SUCLG2: variants seen among roughly 807,000 people sequenced by gnomAD.
The protein encoded by SUCLG2 is succinate-CoA ligase GDP-forming subunit beta, also known as succinate--CoA ligase [GDP-forming] subunit beta, mitochondrial.
SUCLG2 carries 42 observed loss-of-function variants against 47.9 expected under a neutral mutation model. The observed-to-expected ratio is 0.88, with a 90% CI of 0.69 to 1.14. The LOEUF is 1.14. SUCLG2 is among the 50% of genes most tolerant of loss of function. The pLI is 0.00. For synonymous variants in SUCLG2, 195 were observed against 197.3 expected, an observed-to-expected ratio of 0.99 and a Z score of 0.10; for missense variants, 571 against 525.9, an observed-to-expected ratio of 1.09 and a Z score of -0.84.
intron 2 of SUCLG2, among the ~76,000 whole-genome samples, chr3:67,557,495 G>T (rs1365887281): frequency 6.6e-6 from 1 of 152,134 alleles, no homozygotes; most frequent in Non-Finnish European, 1.5e-5. Flanking sequence ...AAGCACAGAT[G>T]ACATCAAATT....
chr3:67,439,980 A>C (rs1431579133), intron 9 of SUCLG2, among the ~76,000 whole-genome samples: 1 of 152,218 alleles, frequency 6.6e-6, no homozygotes, highest in East Asian at 1.9e-4. Flanking sequence ...AATTCAAGCT[A>C]TGCTACAAGG....
Position 67,375,139 on chromosome 3 carries a change from T to C in SUCLG2, c.*605A>G. On this transcript the variant is annotated 3_prime_UTR_variant, in exon 11 of 11. Coordinates refer to ENST00000307227, the MANE Select transcript of SUCLG2 (RefSeq NM_003848.4). Reference sequence around the variant, plus strand: ...ATGGTAAAAACACATGGATGGTATATTAATGCAGATATTCCATTATTAAAT... The same window carrying C: ...ATGGTAAAAACACATGGATGGTATACTAATGCAGATATTCCATTATTAAAT... 2.0e-6 allele frequency: 2 copies of C among 985,432 alleles called. No individual in the cohort carries two copies. The highest frequency in any genetic ancestry group is 2.4e-6 in the Non-Finnish European group (2 of 829,578). The allele number at this position is 985,432 out of a possible 1,614,324, so 61.0% of individuals were successfully genotyped here. A position where few individuals can be genotyped will look rare whatever the true frequency, so the allele number is the denominator to read the frequency against.
intron 7 of SUCLG2, among the ~76,000 whole-genome samples, chr3:67,504,999 G>A (rs902491376): frequency 5.3e-5 from 8 of 152,148 alleles, no homozygotes; most frequent in African/African-American, 1.7e-4. Context: ...GTTTCAATAA[G>A]GTTGCATCTT....
chr3:67,439,084 T>C (rs1378939637), intron 9 of SUCLG2, among the ~76,000 whole-genome samples: 1 of 152,158 alleles, frequency 6.6e-6, no homozygotes, highest in Non-Finnish European at 1.5e-5. Context: ...TGGTTCAACA[T>C]ACACAAATCA....
At chr3:67,432,685 G>T (rs1474605721) in intron 9 of SUCLG2, among the ~76,000 whole-genome samples, 1 of 152,108 alleles carries the variant, frequency 6.6e-6, no homozygotes, top group Non-Finnish European at 1.5e-5. Flanking sequence ...GATCTGCTAG[G>T]TTCTAAGCCT....
chr3:67,605,736 T>G (rs1241137704), intron 2 of SUCLG2, among the ~76,000 whole-genome samples: 2 of 152,152 alleles, frequency 1.3e-5, no homozygotes, highest in African/African-American at 4.8e-5. Flanking sequence ...TTATCCAGCT[T>G]GATTTTGTCA....
At chr3:67,381,254 T>C (rs1159016842) in intron 10 of SUCLG2, among the ~76,000 whole-genome samples, 7 of 151,298 alleles carry the variant, frequency 4.6e-5, no homozygotes, top group African/African-American at 1.7e-4. Flanking sequence ...TGGAAACAGG[T>C]TATTGAAAAA....
chr3:67,488,858 C>A (rs1042170922), intron 9 of SUCLG2, among the ~76,000 whole-genome samples: 3 of 152,176 alleles, frequency 2.0e-5, no homozygotes, highest in Non-Finnish European at 4.4e-5. Flanking sequence ...AAGGCATCTA[C>A]ACAGAGGACT....
chr3:67,439,009 T>C (rs981454413), intron 9 of SUCLG2, among the ~76,000 whole-genome samples: 1 of 152,164 alleles, frequency 6.6e-6, no homozygotes, highest in South Asian at 2.1e-4. Context: ...GCAAACCAAA[T>C]CCAGTAGCAC....
At chr3:67,389,315 T>C (rs111290225) in intron 10 of SUCLG2, among the ~76,000 whole-genome samples, 2,371 of 152,188 alleles carry the variant, frequency 0.016, 70 homozygotes, top group African/African-American at 0.053. Flanking sequence ...GAGATGAAGC[T>C]GCAACACTGG....
At chr3:67,442,407 T>C in intron 9 of SUCLG2, among the ~76,000 whole-genome samples, 1 of 152,174 alleles carries the variant, frequency 6.6e-6, no homozygotes. Context: ...CTGAAGCTAG[T>C]GACAACTGCA....
intron 9 of SUCLG2, among the ~76,000 whole-genome samples, chr3:67,488,031 T>C (rs1260086375): frequency 6.6e-6 from 1 of 151,142 alleles, no homozygotes; most frequent in Non-Finnish European, 1.5e-5. Context: ...GCAAAACACA[T>C]AAAAAAAAGA....
chr3:67,432,138 G>A (rs978204508), intron 9 of SUCLG2, among the ~76,000 whole-genome samples: 4 of 152,168 alleles, frequency 2.6e-5, no homozygotes, highest in Non-Finnish European at 5.9e-5. Context: ...GAGGCTAGAT[G>A]GGAGGCTAAC....
intron 6 of SUCLG2, among the ~76,000 whole-genome samples, chr3:67,512,359 T>C (rs1434419515): frequency 6.6e-6 from 1 of 151,190 alleles, no homozygotes; most frequent in Non-Finnish European, 1.5e-5. Flanking sequence ...GCGGAATATT[T>C]TTTGTATTTT....
At chr3:67,451,324 C>T (rs79012259) in intron 9 of SUCLG2, among the ~76,000 whole-genome samples, 7,270 of 152,218 alleles carry the variant, frequency 0.048, 229 homozygotes, top group South Asian at 0.093. Context: ...ATAAATGAAT[C>T]GATATTTGCA....
intron 9 of SUCLG2, among the ~76,000 whole-genome samples, chr3:67,464,830 A>G (rs1704430501): frequency 6.6e-6 from 1 of 152,188 alleles, no homozygotes; most frequent in Non-Finnish European, 1.5e-5. Context: ...AGATTGGTGG[A>G]TCAGTCTTCA....
intron 9 of SUCLG2, among the ~76,000 whole-genome samples, chr3:67,493,924 G>A (rs1705266005): frequency 3.3e-5 from 5 of 152,164 alleles, no homozygotes; most frequent in Admixed American, 2.0e-4. Flanking sequence ...TTCTTTTTGC[G>A]AATACCTTCC....
chr3:67,553,295 T>A (rs552768689), intron 2 of SUCLG2, among the ~76,000 whole-genome samples: 3 of 152,328 alleles, frequency 2.0e-5, no homozygotes, highest in Admixed American at 1.3e-4. Context: ...CAGGGAATTG[T>A]TCCCTTTGTC....
intron 9 of SUCLG2, 147 bp downstream of exon 9, chr3:67,495,651 C>CAAA (rs57812170): frequency 1.7e-3 from 1,114 of 651,754 alleles, no homozygotes; most frequent in Non-Finnish European, 2.1e-3. Context: ...GACTCCGTCT[C>CAAA]AAAAAAAAAA....
Sources: gnomAD v4.1 joint callset for allele counts (sites outside exome capture counted in the v4.1 genomes callset) on GRCh38, gnomAD v4.1.1 for gene constraint, MANE v1.5 for transcripts, NCBI Gene and HGNC (gene_info 2026-07-23, HGNC 2026-07-21) for gene names.